Variants in DEPDC4 observed in about 807,000 individuals in gnomAD.
The protein encoded by DEPDC4 is DEP domain-containing protein 4.
DEPDC4 carries 52 observed loss-of-function variants against 52.0 expected under a neutral mutation model. The ratio of observed to expected loss-of-function variants is 1.00; its 90% CI spans 0.80 to 1.26. The LOEUF (loss-of-function observed/expected upper bound fraction) is 1.26, where lower values mean the gene tolerates loss of function less well. Among genes scored for constraint, DEPDC4 ranks in the 50% most tolerant of loss-of-function variants. The pLI is 0.00. For missense variants in DEPDC4, 530 were observed against 546.9 expected, an observed-to-expected ratio of 0.97 and a Z score of 0.31; for synonymous variants, 201 against 196.8, an observed-to-expected ratio of 1.02 and a Z score of -0.18.
At chr12:100,254,703 C>T (rs2096224935) in intron 4 of DEPDC4, among the ~76,000 whole-genome samples, 1 of 151,654 alleles carries the variant, frequency 6.6e-6, no homozygotes, top group African/African-American at 2.4e-5. Flanking sequence ...CTTTCTTTCT[C>T]CCTCCCTCCT....
chr12:100,235,587 T>A (rs1053699601), downstream of DEPDC4, among the ~76,000 whole-genome samples: 2 of 148,676 alleles, frequency 1.3e-5, no homozygotes, highest in Non-Finnish European at 3.0e-5. Flanking sequence ...TTTTTTTTTT[T>A]CCCCCAAGAT....
At chr12:100,261,180 C>CAAAA (rs536040088) in intron 3 of DEPDC4, among the ~76,000 whole-genome samples, 1 of 68,476 alleles carries the variant, frequency 1.5e-5, no homozygotes. Context: ...GACTCCGTCT[C>CAAAA]AAAAAAAAAA....
At chr12:100,237,880 C>A, downstream of DEPDC4, 1 of 161,780 alleles carries the variant, frequency 6.2e-6, no homozygotes. Flanking sequence ...TTATAATTTT[C>A]TGAACAGCAG....
chr12:100,266,435 C>G (rs1041393080), intron 1 of DEPDC4, among the ~76,000 whole-genome samples: 2 of 152,076 alleles, frequency 1.3e-5, no homozygotes, highest in African/African-American at 4.8e-5. Context: ...GAAAATACAG[C>G]GGTACAGCCT....
upstream of DEPDC4, among the ~76,000 whole-genome samples, chr12:100,268,268 C>A (rs17030071): frequency 0.042 from 6,349 of 152,208 alleles, 475 homozygotes; most frequent in African/African-American, 0.14. Context: ...TCTAAGTAGC[C>A]TATCTCCGTT....
intron 2 of DEPDC4, among the ~76,000 whole-genome samples, chr12:100,262,652 G>A (rs2096257798): frequency 4.6e-5 from 7 of 152,154 alleles, no homozygotes; most frequent in Admixed American, 4.6e-4. Flanking sequence ...TAGTTGTTAT[G>A]ATGGAATAGA....
chr12:100,263,251 C>T (rs2096260038), intron 2 of DEPDC4, among the ~76,000 whole-genome samples: 1 of 152,130 alleles, frequency 6.6e-6, no homozygotes, highest in Non-Finnish European at 1.5e-5. Flanking sequence ...CAAAAGTCAC[C>T]CTTTTAAAGT....
chr12:100,245,105 T>A (rs1213049842), intron 8 of DEPDC4, among the ~76,000 whole-genome samples: 1 of 149,440 alleles, frequency 6.7e-6, no homozygotes, highest in African/African-American at 2.5e-5. Context: ...CTCCTGACCT[T>A]GTGATCCGCC....
rs2096261007 is a variant in DEPDC4, at chr12:100,263,485, G to T, written c.554+12C>A. On this transcript the variant is annotated intron_variant, in intron 2 of 9. Transcript: ENST00000550587. ...AAATAAAATATATTACAGTATCTTA[G>T]GTAACACTAACCTCAAGGTTTCATT... 1 of 1,554,876 alleles carries T rather than the reference G, an allele frequency of 6.4e-7. No individual in the cohort carries two copies. Among genetic ancestry groups the T allele is most frequent in the Non-Finnish European group, 8.7e-7 (1 of 1,154,628 alleles).
chr12:100,253,746 A>G (rs2096219077), intron 4 of DEPDC4, 31 bp from the exon 5 acceptor site: 2 of 1,156,958 alleles, frequency 1.7e-6, no homozygotes, highest in African/African-American at 3.2e-5. Flanking sequence ...AAAATAAAGC[A>G]ATGGTTAACA....
chr12:100,263,490 C>T lies in DEPDC4; in HGVS notation c.554+7G>A, dbSNP rs2096261054. The T allele has an allele frequency of 2.6e-6, 4 of 1,563,774 alleles. No individual in the cohort carries two copies. Among genetic ancestry groups the T allele is most frequent in the Non-Finnish European group, 3.5e-6 (4 of 1,158,868 alleles). On this transcript the variant is annotated splice_region_variant and intron_variant, in intron 2 of 9. Coordinates refer to ENST00000550587, the MANE Select transcript of DEPDC4 (RefSeq NM_001364818.2). ...AAATATATTACAGTATCTTAGGTAA[C>T]ACTAACCTCAAGGTTTCATTGAACT...
At chr12:100,256,921 G>A (rs1172359752) in intron 3 of DEPDC4, among the ~76,000 whole-genome samples, 1 of 151,984 alleles carries the variant, frequency 6.6e-6, no homozygotes, top group African/African-American at 2.4e-5. Flanking sequence ...GATTACAGGC[G>A]TGAGTCACTG....
chr12:100,263,162 A>T (rs567884602), intron 2 of DEPDC4, among the ~76,000 whole-genome samples: 4 of 152,308 alleles, frequency 2.6e-5, no homozygotes, highest in African/African-American at 9.6e-5. Context: ...AGGTTTTGCT[A>T]TAATGGCCAG....
In DEPDC4 at chr12:100,263,755, A is replaced by G. The variant is rs2096262301; in HGVS notation, c.296T>C (p.Val99Ala). 1.2e-6 allele frequency: 2 copies of G among 1,614,052 alleles called. No homozygotes were observed. ...DCFTGSDAVD[V>A]VLSHLMQNTC... is the part of the protein sequence containing the mutation. ...GTTTTGCATAAGATGACTTAAGACC[A>G]CATCGACAGCATCAGAACCAGTGAA... Residue 99 changes from valine (V) to alanine (A), a missense_variant, in exon 2 of 10, where the codon GTG becomes GCG. Physicochemically the swap from Val to Ala is moderately conservative, Grantham distance 64. Transcript: ENST00000550587.
At chr12:100,279,376 C>T in the DEPDC4 span, among the ~76,000 whole-genome samples, 8 of 152,364 alleles carry the variant, frequency 5.3e-5, no homozygotes, top group African/African-American at 1.9e-4. Flanking sequence ...ACCTCCTGCT[C>T]TGCAGCCCGG....
upstream of DEPDC4, among the ~76,000 whole-genome samples, chr12:100,268,054 G>C (rs1198857549): frequency 6.6e-6 from 1 of 152,184 alleles, no homozygotes; most frequent in African/African-American, 2.4e-5. Flanking sequence ...TGGACTTTGA[G>C]CACATACCTG....
At chr12:100,249,357 T>C (rs1184605825) in intron 7 of DEPDC4, among the ~76,000 whole-genome samples, 1 of 152,148 alleles carries the variant, frequency 6.6e-6, no homozygotes, top group Non-Finnish European at 1.5e-5. Context: ...TCTCCTAAAA[T>C]AGGCAAATAG....
At chr12:100,233,714 C>T (rs1356829595) in intron 9 of DEPDC4, among the ~76,000 whole-genome samples, 1 of 152,096 alleles carries the variant, frequency 6.6e-6, no homozygotes, top group Non-Finnish European at 1.5e-5. Flanking sequence ...TTTTGTGTTC[C>T]AAAAATCTTT....
chr12:100,252,811 A>G (rs1039567408), intron 5 of DEPDC4, among the ~76,000 whole-genome samples: 2 of 152,240 alleles, frequency 1.3e-5, no homozygotes, highest in African/African-American at 4.8e-5. Context: ...AAAAAATGAC[A>G]TATTATGTCA....
Sources: allele counts gnomAD v4.1 joint callset (sites outside exome capture counted in the v4.1 genomes callset), GRCh38; gene constraint gnomAD v4.1.1; transcripts MANE v1.5; gene names NCBI Gene and HGNC (gene_info 2026-07-23, HGNC 2026-07-21).